The following ARHGEF25 variants were observed in gnomAD, a reference collection of about 807,000 sequenced individuals.
ARHGEF25 encodes the protein Rho guanine nucleotide exchange factor 25, also known as RAC/CDC42 exchange factor.
A neutral mutation model predicts 74.0 loss-of-function variants in ARHGEF25; 42 were observed. That is an observed-to-expected ratio of 0.57 (90% CI 0.44 to 0.73). The LOEUF is 0.73. ARHGEF25 is among the 30% of genes least tolerant of loss of function. The probability of loss-of-function intolerance (pLI) is 0.00; values close to 1 mark genes in which losing one functional copy is unlikely to be tolerated. For missense variants in ARHGEF25, 645 were observed against 725.5 expected (o/e 0.89, Z 1.27); for synonymous variants, 293 against 278.6 (o/e 1.05, Z -0.51).
chr12:57,615,963 G>A lies in ARHGEF25; in HGVS notation c.1366G>A (p.Ala456Thr). Residue 456 changes from alanine to threonine, a missense_variant, in exon 13 of 15, where the codon GCC becomes ACC. Physicochemically the swap from Ala to Thr is moderately conservative, Grantham distance 58 (BLOSUM62 0). Around this residue, in one of 3 missense-constraint regions of ARHGEF25, gnomAD observed 262 missense variants for 256.9 expected, o/e 1.02. Coordinates refer to ENST00000286494, the MANE Select transcript of ARHGEF25 (RefSeq NM_182947.4). ...GGCTGCAGACCCTGCTATCAGTCAG[G>A]CCTGGATCAAGCATGTGGCTCAGAT... ...LQAADPAISQ[A>T]WIKHVAQILE... The A allele has an allele frequency of 6.2e-7, 1 of 1,614,108 alleles. No individual in the cohort carries two copies.
Position 57,611,685 on chromosome 12 carries a change from C to T in ARHGEF25, c.-210C>T, listed in dbSNP as rs913318508. The T allele has an allele frequency of 9.6e-6, 11 of 1,142,130 alleles. No individual in the cohort carries two copies. Among genetic ancestry groups the T allele is most frequent in the Non-Finnish European group, 1.2e-5 (11 of 930,648 alleles). The allele number at this position is 1,142,130 out of a possible 1,614,324, so 70.7% of individuals were successfully genotyped here. On this transcript the variant is annotated 5_prime_UTR_variant, in exon 1 of 15. Transcript: ENST00000286494. This position sits in a 1 kb window ranked among gnomAD's most constrained non-coding sequence, Gnocchi z 4.5. ...AGCCCGGCGGCCGGGCCCCGCGCCT[C>T]TCTCTCTCTAGAGCCCCCAGCCCTC...
At position 57,615,628 on chromosome 12, in the gene ARHGEF25, G is replaced by T. The variant is rs1396747504; in HGVS notation, c.1155G>T (p.Glu385Asp). Residue 385 changes from glutamate to aspartate, a missense_variant, in exon 12 of 15, where the codon GAG becomes GAT. Coordinates refer to ENST00000286494, the MANE Select transcript of ARHGEF25 (RefSeq NM_182947.4). ...RGRERRVFLF[E>D]QIIIFSEALG... Reference sequence around the variant, plus strand: ...GAGAGAGGCGCGTCTTCCTCTTTGAGCAAATCATCATCTTCAGTGAAGCCC... The same window carrying T: ...GAGAGAGGCGCGTCTTCCTCTTTGATCAAATCATCATCTTCAGTGAAGCCC... 2 of 1,614,056 alleles carry T rather than the reference G, an allele frequency of 1.2e-6. No individual in the cohort carries two copies. The highest frequency in any genetic ancestry group is 1.7e-6 in the Non-Finnish European group (2 of 1,180,048).
Position 57,613,058 on chromosome 12 carries a change from A to C in ARHGEF25, c.226A>C (p.Ser76Arg). The change falls in exon 2 of 15, where the codon AGT (serine) becomes CGT (arginine). Residue 76 changes from serine (S) to arginine (R), a missense_variant. Physicochemically the swap from Ser to Arg is moderately radical, Grantham distance 110 (BLOSUM62 -1). Transcript: ENST00000286494. ...TTCCCCAGGCCCCCCAGGGCCCGTC[A>C]GTGGCCTGAGGAGATGGTTGGATCA... is the stretch of plus-strand genomic sequence containing the variant. ...PCSPGPPGPVSGLRRWLDHSK... is the reference protein window; with the variant it reads ...PCSPGPPGPVRGLRRWLDHSK... 6.2e-7 allele frequency: 1 copy of C among 1,614,126 alleles called. No individual in the cohort carries two copies. The highest frequency in any genetic ancestry group is 8.5e-7 in the Non-Finnish European group (1 of 1,179,990).
Position 57,614,739 on chromosome 12 carries a change from C to T in ARHGEF25, c.867C>T (p.Ile289=). 1.2e-6 allele frequency: 2 copies of T among 1,613,060 alleles called. No individual in the cohort carries two copies. The highest frequency in any genetic ancestry group is 1.7e-6 in the Non-Finnish European group (2 of 1,179,648). ...GHRLQLNDLL[I]KPVQRIMKYQ... ...GCCTGCAGCTGAACGACCTCCTCAT[C>T]AAACCTGTGCAGCGGATCATGAAAT... Residue 289 remains isoleucine (I), a synonymous_variant, in exon 9 of 15, where the codon ATC becomes ATT. Transcript: ENST00000286494. The surrounding 1 kb of genome is among the most constrained non-coding windows in gnomAD (Gnocchi z 4.6).
At position 57,614,153 on chromosome 12, in the gene ARHGEF25, A is replaced by G. The variant is rs765926337; in HGVS notation, c.656+34A>G. 29 of 1,608,782 alleles carry G rather than the reference A, an allele frequency of 1.8e-5. No homozygotes were observed. In the South Asian group the frequency reaches 3.0e-4, roughly 16 times the overall value. ...TGGAACTCTGACAGCTAGGTGCTGG[A>G]GAGGGGCCCTCATCTGGTTGTCCTG... On this transcript the variant is annotated intron_variant, in intron 6 of 14. Coordinates refer to ENST00000286494, the MANE Select transcript of ARHGEF25 (RefSeq NM_182947.4). The surrounding 1 kb of genome is among the most constrained non-coding windows in gnomAD (Gnocchi z 4.6).
Position 57,614,645 on chromosome 12 carries a change from C to G in ARHGEF25, c.816+40C>G. 1 of 1,613,868 alleles carries G rather than the reference C, an allele frequency of 6.2e-7. No homozygotes were observed. The highest frequency in any genetic ancestry group is 8.5e-7 in the Non-Finnish European group (1 of 1,179,890). The stretch of plus-strand genomic sequence containing the variant: ...TGTCTTGGTGGGAAGGAGGACAGAA[C>G]TGGGGCTTTCCAGGCTGCATAACCA... On this transcript the variant is annotated intron_variant, in intron 8 of 14. Transcript: ENST00000286494. This position sits in a 1 kb window ranked among gnomAD's most constrained non-coding sequence, Gnocchi z 4.6.
chr12:57,612,861 G>A, intron 1 of ARHGEF25, 69 bp from the exon 2 acceptor site: 9 of 1,560,104 alleles, frequency 5.8e-6, no homozygotes, highest in South Asian at 1.2e-5. Context: ...GACCCTGGGA[G>A]TTCCCTGGGG....
chr12:57,611,703 C>A lies in ARHGEF25; in HGVS notation c.-192C>A. On this transcript the variant is annotated 5_prime_UTR_variant, in exon 1 of 15. Transcript: ENST00000286494. The surrounding 1 kb of genome is among the most constrained non-coding windows in gnomAD (Gnocchi z 4.5). Reference sequence around the variant, plus strand: ...CGCGCCTCTCTCTCTCTAGAGCCCCCAGCCCTCCTCAAGACTAGACTTCCG... The same window carrying A: ...CGCGCCTCTCTCTCTCTAGAGCCCCAAGCCCTCCTCAAGACTAGACTTCCG... The A allele has an allele frequency of 8.6e-7, 1 of 1,164,618 alleles. No individual in the cohort carries two copies. The highest frequency in any genetic ancestry group is 1.1e-6 in the Non-Finnish European group (1 of 945,044). The allele number at this position is 1,164,618 out of a possible 1,614,324, so 72.1% of individuals were successfully genotyped here.
chr12:57,615,111 T>C, intron 10 of ARHGEF25, 94 bp downstream of exon 10: 1 of 1,577,808 alleles, frequency 6.3e-7, no homozygotes, highest in Non-Finnish European at 8.7e-7. Context: ...TTTACAGCTG[T>C]CTGGTTTTTA....
intron 14 of ARHGEF25, 44 bp from the exon 15 acceptor site, chr12:57,616,740 G>T (rs1163898251): frequency 7.2e-7 from 1 of 1,395,392 alleles, no homozygotes. Context: ...AGTGAGGGTA[G>T]ATTTCTGGCC....
Position 57,611,743 on chromosome 12 carries a change from C to A in ARHGEF25, c.-152C>A. On this transcript the variant is annotated 5_prime_UTR_variant, in exon 1 of 15. Transcript: ENST00000286494. This position sits in a 1 kb window ranked among gnomAD's most constrained non-coding sequence, Gnocchi z 4.5. ...CTAGACTTCCGCCTACCCCTGGACA[C>A]CTCCTCCCGGTCCCCTCCCTCCCCC... 8.4e-7 allele frequency: 1 copy of A among 1,194,356 alleles called. No homozygotes were observed. The highest frequency in any genetic ancestry group is 1.0e-6 in the Non-Finnish European group (1 of 963,398). The allele number at this position is 1,194,356 out of a possible 1,614,324, so 74.0% of individuals were successfully genotyped here. A position where few individuals can be genotyped will look rare whatever the true frequency, so the allele number is the denominator to read the frequency against.
chr12:57,616,122 C>G, intron 13 of ARHGEF25, 105 bp downstream of exon 13: 1 of 1,479,842 alleles, frequency 6.8e-7, no homozygotes, highest in East Asian at 2.3e-5. Context: ...ATGGCCCATC[C>G]CCTTTTCCAC....
At chr12:57,610,247 C>T, upstream of ARHGEF25, 1 of 1,601,880 alleles carries the variant, frequency 6.2e-7, no homozygotes, top group Non-Finnish European at 8.5e-7. Context: ...CGCCCCTGGC[C>T]GCACTGACCG....
chr12:57,616,417 C>T lies in ARHGEF25; in HGVS notation c.1554C>T (p.Pro518=), dbSNP rs1884291744. 2 of 1,614,174 alleles carry T rather than the reference C, an allele frequency of 1.2e-6. No homozygotes were observed. Among genetic ancestry groups the T allele is most frequent in the African/African-American group, 1.3e-5 (1 of 75,026 alleles). Residue 518 remains proline (P), a synonymous_variant, in exon 14 of 15, where the codon CCC becomes CCT. Coordinates refer to ENST00000286494, the MANE Select transcript of ARHGEF25 (RefSeq NM_182947.4). The part of the protein sequence containing the change: ...GDQAQGSTHT[P]INGSLPSLLL... The stretch of plus-strand genomic sequence containing the variant: ...AGGCCCAGGGCAGCACACACACACC[C>T]ATCAATGGCTCTCTCCCCTCTCTGC...
At chr12:57,615,812 G>T (rs932678682) in intron 12 of ARHGEF25, 25 bp from the exon 13 acceptor site, 4 of 1,612,396 alleles carry the variant, frequency 2.5e-6, no homozygotes, top group Non-Finnish European at 3.4e-6. Flanking sequence ...GGAATCTGGG[G>T]GCTGTCTCCT....
Position 57,614,709 on chromosome 12 carries a change from G to A in ARHGEF25, c.837G>A (p.Gly279=), listed in dbSNP as rs1884204823. The change falls in exon 9 of 15, where the codon GGG becomes GGA. Residue 279 remains glycine (G), a synonymous_variant. Transcript: ENST00000286494. The surrounding 1 kb of genome is among the most constrained non-coding windows in gnomAD (Gnocchi z 4.6). ...SYFEELRQQL[G]HRLQLNDLLI... ...CCCAGGAGCTCCGGCAGCAGCTGGG[G>A]CACCGCCTGCAGCTGAACGACCTCC... 3.1e-6 allele frequency: 5 copies of A among 1,613,496 alleles called. No homozygotes were observed. The highest frequency in any genetic ancestry group is 4.2e-6 in the Non-Finnish European group (5 of 1,179,868).
Position 57,615,368 on chromosome 12 carries a change from A to G in ARHGEF25, c.1038+54A>G. ...CCCGATGCTCTTCTGCCCCAGCCCT[A>G]GCATTCAGGAGGTCCTTATGGGGAG... On this transcript the variant is annotated intron_variant, in intron 11 of 14. Coordinates refer to ENST00000286494, the MANE Select transcript of ARHGEF25 (RefSeq NM_182947.4). 4 of 1,580,524 alleles carry G rather than the reference A, an allele frequency of 2.5e-6. No individual in the cohort carries two copies. In the East Asian group the frequency reaches 6.7e-5, roughly 27 times the overall value.
At chr12:57,611,231 G>T (rs1191805720), upstream of ARHGEF25, among the ~76,000 whole-genome samples, 1 of 152,238 alleles carries the variant, frequency 6.6e-6, no homozygotes, top group African/African-American at 2.4e-5. The surrounding 1 kb of genome is among the most constrained non-coding windows in gnomAD (Gnocchi z 4.5). Context: ...CCCGGGATGC[G>T]AGAGGGAGGG....
Position 57,614,400 on chromosome 12 carries a change from C to T in ARHGEF25, c.726C>T (p.His242=). Residue 242 remains histidine, a splice_region_variant and synonymous_variant, in exon 7 of 15, where the codon CAC becomes CAT. Transcript: ENST00000286494. This position sits in a 1 kb window ranked among gnomAD's most constrained non-coding sequence, Gnocchi z 4.6. ...GGCTGGCTCAGCTATTCATCAAACA[C>T]GTGAGGCTTGAGGGGGCAGGGCCTG... ...PDWLAQLFIK[H]ERRLHMYVVY... The T allele has an allele frequency of 6.2e-7, 1 of 1,614,084 alleles. No homozygotes were observed. The highest frequency in any genetic ancestry group is 8.5e-7 in the Non-Finnish European group (1 of 1,180,004).
Sources: allele counts gnomAD v4.1 joint callset (sites outside exome capture counted in the v4.1 genomes callset), GRCh38; gene constraint gnomAD v4.1.1; regional missense constraint gnomAD v4.1.1; non-coding constraint Gnocchi (gnomAD v3.1); transcripts MANE v1.5; gene names NCBI Gene and HGNC (gene_info 2026-07-23, HGNC 2026-07-21).